The following ITPRID1 variants were observed in gnomAD, a reference collection of about 807,000 sequenced individuals.
ITPRID1 encodes protein ITPRID1.
A neutral mutation model predicts 95.4 loss-of-function variants in ITPRID1; 96 were observed. The ratio of observed to expected loss-of-function variants is 1.01; its 90% confidence interval spans 0.85 to 1.19. ITPRID1 has a LOEUF of 1.19. Among genes scored for constraint, ITPRID1 ranks in the 50% most tolerant of loss-of-function variants. The probability of loss-of-function intolerance (pLI) is 0.00; values close to 1 mark genes in which losing one functional copy is unlikely to be tolerated. For missense variants in ITPRID1, 1,339 were observed against 1,252.9 expected (o/e 1.07, Z -1.04); for synonymous variants, 510 against 453.6 (o/e 1.12, Z -1.58).
intron 3 of ITPRID1, 165 bp from the exon 4 acceptor site, chr7:31,554,310 A>T (rs1784377499): frequency 7.9e-7 from 1 of 1,273,418 alleles, no homozygotes. Context: ...TGATCATGGA[A>T]AACAGGAGAT....
At chr7:31,528,028 T>A (rs1158585020) in intron 1 of ITPRID1, among the ~76,000 whole-genome samples, 1 of 152,102 alleles carries the variant, frequency 6.6e-6, no homozygotes, top group East Asian at 1.9e-4. Flanking sequence ...ATTTCTTTTT[T>A]AAAAAAATCC....
intron 10 of ITPRID1, among the ~76,000 whole-genome samples, chr7:31,617,325 C>T: frequency 6.6e-6 from 1 of 151,996 alleles, no homozygotes; most frequent in Non-Finnish European, 1.5e-5. Context: ...CATTGATAAG[C>T]TATTAAAGAA....
At chr7:31,565,406 G>C (rs1310365842) in intron 5 of ITPRID1, among the ~76,000 whole-genome samples, 2 of 152,144 alleles carry the variant, frequency 1.3e-5, no homozygotes, top group Non-Finnish European at 2.9e-5. Context: ...ACTGTCTTTA[G>C]ACAGACACTT....
In ITPRID1 at chr7:31,642,249, G is replaced by A. The variant is rs1273454039; in HGVS notation, c.1302G>A (p.Leu434=). The A allele has an allele frequency of 1.9e-6, 3 of 1,551,520 alleles. No homozygotes were observed. Among genetic ancestry groups the A allele is most frequent in the Admixed American group, 2.0e-5 (1 of 51,018 alleles). Residue 434 remains leucine (L), a synonymous_variant, in exon 11 of 15, where the codon CTG becomes CTA. Transcript: ENST00000615280. ...TCCTGGAGGAGCCGCTGGAACCGCT[G>A]CCCCTCCAGGTAGGAGGGTTTGGAA... ...SGFLEEPLEP[L]PLQMPSLPNS...
At position 31,643,583 on chromosome 7, in the gene ITPRID1, C is replaced by T. The variant is rs774818584; in HGVS notation, c.2213C>T (p.Thr738Ile). 1 of 1,614,018 alleles carries T rather than the reference C, an allele frequency of 6.2e-7. No homozygotes were observed. Among genetic ancestry groups the T allele is most frequent in the East Asian group, 2.2e-5 (1 of 44,884 alleles). Residue 738 changes from threonine (T) to isoleucine (I), a missense_variant, in exon 12 of 15, where the codon ACT becomes ATT. Coordinates refer to ENST00000615280, the MANE Select transcript of ITPRID1 (RefSeq NM_001257967.3). ...CCCAGAGGAACATCTTTAGAATGCA[C>T]TGTGTGTGATCCTGTTACCGCAACA... ...TGPRGTSLEC[T>I]VCDPVTATET...
intron 12 of ITPRID1, among the ~76,000 whole-genome samples, chr7:31,646,247 G>T (rs1220524794): frequency 6.6e-6 from 1 of 152,206 alleles, no homozygotes. Context: ...AGCACCCAGA[G>T]AGCATGACTG....
intron 10 of ITPRID1, among the ~76,000 whole-genome samples, chr7:31,584,782 T>G (rs1785528139): frequency 6.6e-6 from 1 of 152,266 alleles, no homozygotes; most frequent in Non-Finnish European, 1.5e-5. Context: ...GATAACTGTG[T>G]GTGTAATCAC....
intron 10 of ITPRID1, among the ~76,000 whole-genome samples, chr7:31,606,859 A>G (rs1204425549): frequency 6.6e-6 from 1 of 152,086 alleles, no homozygotes; most frequent in Non-Finnish European, 1.5e-5. Context: ...TATCTTCTCA[A>G]TATACTTTTT....
At chr7:31,573,691 C>CA (rs1030115099) in intron 7 of ITPRID1, among the ~76,000 whole-genome samples, 1 of 151,868 alleles carries the variant, frequency 6.6e-6, no homozygotes, top group African/African-American at 2.4e-5. Flanking sequence ...GAAAGACTCC[C>CA]ATAGTCTCCT....
intron 10 of ITPRID1, among the ~76,000 whole-genome samples, chr7:31,627,477 G>A (rs1788571373): frequency 1.3e-5 from 2 of 151,868 alleles, no homozygotes; most frequent in African/African-American, 2.4e-5. Context: ...GGGCAACATG[G>A]CAATACCCCA....
Position 31,652,659 on chromosome 7 carries a change from G to A in ITPRID1, c.2965G>A (p.Asp989Asn). The change falls in exon 15 of 15, where the codon GAT (aspartate) becomes AAT (asparagine). Residue 989 changes from aspartate (D) to asparagine (N), a missense_variant. Physicochemically the swap from Asp to Asn is conservative, Grantham distance 23. Coordinates refer to ENST00000615280, the MANE Select transcript of ITPRID1 (RefSeq NM_001257967.3). ...MAPRTVFPPD[D>N]GQEAPCSGGT... ...CCCGAGGACTGTGTTTCCTCCCGAT[G>A]ATGGCCAGGAGGCTCCCTGTTCAGG... 1 of 1,613,874 alleles carries A rather than the reference G, an allele frequency of 6.2e-7. No homozygotes were observed. Among genetic ancestry groups the A allele is most frequent in the South Asian group, 1.1e-5 (1 of 91,074 alleles).
At chr7:31,616,876 C>G (rs1019864529) in intron 10 of ITPRID1, among the ~76,000 whole-genome samples, 1 of 151,916 alleles carries the variant, frequency 6.6e-6, no homozygotes, top group Non-Finnish European at 1.5e-5. Flanking sequence ...ACCAGATACC[C>G]AAACCTCTCT....
chr7:31,647,787 T>A (rs901041830), intron 12 of ITPRID1, among the ~76,000 whole-genome samples: 3 of 151,964 alleles, frequency 2.0e-5, no homozygotes, highest in African/African-American at 7.3e-5. Context: ...GGTAAAGGAC[T>A]TGAAGACTCA....
At position 31,594,434 on chromosome 7, in the gene ITPRID1, G is replaced by C. The variant is rs1414599529; in HGVS notation, c.1228+11243G>C. Among the ~76,000 whole-genome samples, 4 of 152,104 alleles carry C rather than the reference G, an allele frequency of 2.6e-5. No homozygotes were observed. In the East Asian group the frequency reaches 7.7e-4, roughly 29 times the overall value. On this transcript the variant is annotated intron_variant, in intron 10 of 14. Coordinates refer to ENST00000615280, the MANE Select transcript of ITPRID1 (RefSeq NM_001257967.3). The stretch of plus-strand genomic sequence containing the variant: ...CGTTAATGGTGGTAGCTTAATAAAA[G>C]GAAAACTGATACGTTTTAAATTAAT...
Position 31,653,053 on chromosome 7 carries a change from A to C in ITPRID1, c.*224A>C. 8.7e-7 allele frequency: 1 copy of C among 1,150,072 alleles called. No homozygotes were observed. The highest frequency in any genetic ancestry group is 1.2e-6 in the Non-Finnish European group (1 of 856,336). 71.2% of individuals were successfully genotyped at this position (1,150,072 alleles called of 1,614,324 possible). A position where few individuals can be genotyped will look rare whatever the true frequency, so the allele number is the denominator to read the frequency against. On this transcript the variant is annotated 3_prime_UTR_variant, in exon 15 of 15. Transcript: ENST00000615280. ...GTATGTGCCTGGCACAGAGTATGCA[A>C]CAGTGACTAAATAGTATACGGTCTC... is the stretch of plus-strand genomic sequence containing the variant.
At chr7:31,589,388 G>A (rs959644192) in intron 10 of ITPRID1, among the ~76,000 whole-genome samples, 1 of 152,118 alleles carries the variant, frequency 6.6e-6, no homozygotes, top group Admixed American at 6.6e-5. Context: ...AGAGGGAAAG[G>A]ACAGAGAAAA....
chr7:31,547,728 G>C (rs1376749821), intron 1 of ITPRID1, among the ~76,000 whole-genome samples: 3 of 152,082 alleles, frequency 2.0e-5, no homozygotes, highest in Non-Finnish European at 4.4e-5. Context: ...ATAAGCAACT[G>C]CCTGAATAGT....
chr7:31,637,346 C>T (rs1327867556), intron 10 of ITPRID1, among the ~76,000 whole-genome samples: 2 of 152,146 alleles, frequency 1.3e-5, no homozygotes, highest in Admixed American at 1.3e-4. Context: ...AGTTTACAGT[C>T]CCACCAACAG....
intron 10 of ITPRID1, among the ~76,000 whole-genome samples, chr7:31,599,662 T>TTCTCTCTC (rs70986634): frequency 2.9e-4 from 9 of 31,354 alleles, no homozygotes; most frequent in Admixed American, 7.2e-4. Flanking sequence ...TTTCTTTCCT[T>TTCTCTCTC]TCTCTCTCTC....
Sources: allele counts gnomAD v4.1 joint callset (sites outside exome capture counted in the v4.1 genomes callset), GRCh38; gene constraint gnomAD v4.1.1; transcripts MANE v1.5; gene names NCBI Gene and HGNC (gene_info 2026-07-23, HGNC 2026-07-21).